Variants in SERPINB12 observed in about 807,000 individuals in gnomAD.
The protein encoded by SERPINB12 is serpin family B member 12, also known as serpin B12.
A neutral mutation model predicts 41.1 loss-of-function variants in SERPINB12; 57 were observed. The ratio of observed to expected loss-of-function variants is 1.39; its 90% CI spans 1.12 to 1.73. The LOEUF is 1.73. Ranked by LOEUF, SERPINB12 falls within the 40% of genes most tolerant of loss-of-function variation. The probability of loss-of-function intolerance (pLI) is 0.00; values close to 1 mark genes in which losing one functional copy is unlikely to be tolerated. For synonymous variants in SERPINB12, 180 were observed against 181.3 expected (o/e 0.99, Z 0.06); for missense variants, 536 against 501.9 (o/e 1.07, Z -0.65).
chr18:63,528,338 G>T, the SERPINB12 span, among the ~76,000 whole-genome samples: 2 of 151,802 alleles, frequency 1.3e-5, no homozygotes, highest in African/African-American at 4.8e-5. Context: ...GTCACAGAAA[G>T]GTTGGCATGC....
Position 63,558,480 on chromosome 18 carries a change from T to G in SERPINB12, c.297T>G (p.Asp99Glu). 1.2e-6 allele frequency: 2 copies of G among 1,610,444 alleles called. No individual in the cohort carries two copies. Among genetic ancestry groups the G allele is most frequent in the Non-Finnish European group, 1.7e-6 (2 of 1,178,988 alleles). ...EGQKKTTEPL[D>E]QQAGSLNNES... ...AGAAAAAAACGACAGAGCCTCTGGA[T>G]CAGCAGGTGAACCGCCACCGTAGAA... Residue 99 changes from aspartate (D) to glutamate (E), a missense_variant, in exon 3 of 8, where the codon GAT becomes GAG. Transcript: ENST00000382768.
chr18:63,525,531 G>T, the SERPINB12 span, among the ~76,000 whole-genome samples: 1 of 152,090 alleles, frequency 6.6e-6, no homozygotes, highest in Non-Finnish European at 1.5e-5. Flanking sequence ...AAGAAGTCAA[G>T]AACAAACTTG....
chr18:63,554,626 G>T (rs1910616440), intron 1 of SERPINB12, among the ~76,000 whole-genome samples: 1 of 151,230 alleles, frequency 6.6e-6, no homozygotes, highest in Admixed American at 6.6e-5. Flanking sequence ...ATAGGTCAGT[G>T]GTGAGATCTA....
At position 63,569,010 on chromosome 18, in the gene SERPINB12, G is replaced by A. The variant is rs557380037; in HGVS notation, c.*1999G>A. 5.3e-5 allele frequency among the ~76,000 whole-genome samples: 8 copies of A among 152,282 alleles called. No homozygotes were observed. Among genetic ancestry groups the A allele is most frequent in the South Asian group, 2.1e-4 (1 of 4,828 alleles). On this transcript the variant is annotated 3_prime_UTR_variant, in exon 8 of 8. Coordinates refer to ENST00000382768, the MANE Select transcript of SERPINB12 (RefSeq NM_001307928.2). ...CCCTGTGGTTCCTTTTGGGGTTGACGTTTTGGGGGCTGTTTCCATGTCTGA... is the reference window on the plus strand; with the variant it reads ...CCCTGTGGTTCCTTTTGGGGTTGACATTTTGGGGGCTGTTTCCATGTCTGA...
At chr18:63,543,913 G>T (rs551495499) in intron 1 of SERPINB12, among the ~76,000 whole-genome samples, 7 of 152,082 alleles carry the variant, frequency 4.6e-5, no homozygotes, top group African/African-American at 1.7e-4. Flanking sequence ...CACTGCGCCC[G>T]GGCAAAATGT....
At chr18:63,525,594 C>T in the SERPINB12 span, among the ~76,000 whole-genome samples, 31 of 152,200 alleles carry the variant, frequency 2.0e-4, no homozygotes, top group Middle Eastern at 3.4e-3. Flanking sequence ...AGACACTTAA[C>T]GAGTATCTAT....
At chr18:63,519,298 T>C in the SERPINB12 span, among the ~76,000 whole-genome samples, 16 of 152,172 alleles carry the variant, frequency 1.1e-4, no homozygotes, top group Non-Finnish European at 2.2e-4. Context: ...CCTTCAACAG[T>C]GGCTCTGCAA....
In SERPINB12 at chr18:63,568,541, GAGTTCCTAATTTCTATCTTAGC is replaced by G; in HGVS notation, c.*1531_*1552del. Reference sequence around the variant, plus strand: ...CCTCTGTTCTCTGGTGTGGTAATCTGAGTTCCTAATTTCTATCTTAGCTGAATGTTCTGCCATGACCACTGAC... The same window carrying G: ...CCTCTGTTCTCTGGTGTGGTAATCTGTGAATGTTCTGCCATGACCACTGAC... On this transcript the variant is annotated 3_prime_UTR_variant, in exon 8 of 8. Coordinates refer to ENST00000382768, the MANE Select transcript of SERPINB12 (RefSeq NM_001307928.2). Among the ~76,000 whole-genome samples the G allele has an allele frequency of 2.6e-5, 4 of 152,172 alleles. No individual in the cohort carries two copies. The highest frequency in any genetic ancestry group is 9.7e-5 in the African/African-American group (4 of 41,432).
the SERPINB12 span, among the ~76,000 whole-genome samples, chr18:63,532,717 G>C: frequency 0.58 from 87,775 of 151,944 alleles, 27,584 homozygotes; most frequent in Middle Eastern, 0.72. Flanking sequence ...GTTTGCTGAG[G>C]GGTTGCTAAC....
chr18:63,564,807 C>T (rs898677029), intron 6 of SERPINB12, among the ~76,000 whole-genome samples: 2 of 152,170 alleles, frequency 1.3e-5, no homozygotes, highest in Admixed American at 1.3e-4. Context: ...TACAGTGGGA[C>T]AGCTGGCAGG....
Position 63,559,727 on chromosome 18 carries a change from C to G in SERPINB12, c.444+9C>G. 6.2e-7 allele frequency: 1 copy of G among 1,613,738 alleles called. No individual in the cohort carries two copies. The highest frequency in any genetic ancestry group is 8.5e-7 in the Non-Finnish European group (1 of 1,179,788). ...AATTCCCAATCTGTCAGGTGAGTTG[C>G]ACACGAATGGTGACTAAAGCTACCA... is the stretch of plus-strand genomic sequence containing the variant. On this transcript the variant is annotated intron_variant, in intron 4 of 7. Transcript: ENST00000382768.
chr18:63,523,738 A>G, the SERPINB12 span, among the ~76,000 whole-genome samples: 1 of 152,340 alleles, frequency 6.6e-6, no homozygotes, highest in East Asian at 1.9e-4. Flanking sequence ...GCATCAGGTC[A>G]CAGCAGCAGA....
At chr18:63,544,647 T>C (rs1204447335) in intron 1 of SERPINB12, among the ~76,000 whole-genome samples, 5 of 152,316 alleles carry the variant, frequency 3.3e-5, no homozygotes, top group African/African-American at 1.2e-4. Context: ...ATTTTTTCAA[T>C]CCTGGAGATG....
intron 1 of SERPINB12, among the ~76,000 whole-genome samples, chr18:63,545,269 A>T (rs1910361353): frequency 6.6e-6 from 1 of 151,966 alleles, no homozygotes. Context: ...TTGACCTCCA[A>T]ATTTCTTTCA....
chr18:63,522,159 C>T, the SERPINB12 span, among the ~76,000 whole-genome samples: 1 of 152,076 alleles, frequency 6.6e-6, no homozygotes, highest in East Asian at 1.9e-4. Flanking sequence ...TAATGATTGA[C>T]CACATGGTAA....
intron 1 of SERPINB12, among the ~76,000 whole-genome samples, chr18:63,543,758 AG>A (rs1395281338): frequency 6.6e-6 from 1 of 151,894 alleles, no homozygotes; most frequent in Non-Finnish European, 1.5e-5. Context: ...CTGGGCTTAC[AG>A]GCGTGCGCCA....
chr18:63,542,318 T>C (rs897823303), upstream of SERPINB12, among the ~76,000 whole-genome samples: 2 of 152,236 alleles, frequency 1.3e-5, no homozygotes, highest in South Asian at 4.1e-4. Flanking sequence ...CATATGTTAA[T>C]TGTCCTGATT....
chr18:63,543,729 G>T (rs879334490), intron 1 of SERPINB12, among the ~76,000 whole-genome samples: 14 of 151,772 alleles, frequency 9.2e-5, no homozygotes, highest in Non-Finnish European at 1.8e-4. Context: ...CCTGAGGCAG[G>T]GATTATAGCC....
chr18:63,559,001 TCC>T (rs1491435151), intron 3 of SERPINB12, among the ~76,000 whole-genome samples: 65 of 60,472 alleles, frequency 1.1e-3, no homozygotes, highest in Non-Finnish European at 2.2e-3. Flanking sequence ...TTTCTTTCCT[TCC>T]TTCTTTCTTT....
Sources: gnomAD v4.1 joint callset for allele counts (sites outside exome capture counted in the v4.1 genomes callset) on GRCh38, gnomAD v4.1.1 for gene constraint, MANE v1.5 for transcripts, NCBI Gene and HGNC (gene_info 2026-07-23, HGNC 2026-07-21) for gene names.